DIXDC1: variants seen among roughly 807,000 people sequenced by gnomAD.
DIXDC1 encodes the protein dixin.
DIXDC1 carries 64 observed loss-of-function variants against 103.1 expected under a neutral mutation model. The ratio of observed to expected loss-of-function variants is 0.62; its 90% CI spans 0.51 to 0.76. The LOEUF is 0.76. Among genes scored for constraint, DIXDC1 ranks in the 30% least tolerant of loss-of-function variants. DIXDC1 has a pLI of 0.00. For missense variants in DIXDC1, 759 were observed against 834.2 expected (o/e 0.91, Z 1.11); for synonymous variants, 266 against 298.5 (o/e 0.89, Z 1.12).
intron 1 of DIXDC1, among the ~76,000 whole-genome samples, chr11:111,963,104 T>C (rs1210943996): frequency 2.6e-5 from 4 of 152,254 alleles, no homozygotes; most frequent in Admixed American, 1.3e-4. Context: ...ATAACCTCTC[T>C]GAACCTCATC....
At chr11:111,994,235 A>C (rs1860802949) in intron 14 of DIXDC1, among the ~76,000 whole-genome samples, 1 of 152,084 alleles carries the variant, frequency 6.6e-6, no homozygotes, top group African/African-American at 2.4e-5. Context: ...AAAAATTACA[A>C]AAATTAGCCA....
chr11:112,016,308 G>A (rs1298248788), intron 17 of DIXDC1, among the ~76,000 whole-genome samples: 2 of 152,108 alleles, frequency 1.3e-5, no homozygotes, highest in Non-Finnish European at 2.9e-5. Context: ...TGAGTCACAT[G>A]AGTATTCTCT....
intron 17 of DIXDC1, among the ~76,000 whole-genome samples, chr11:112,001,887 G>T (rs999334358): frequency 1.3e-5 from 2 of 151,600 alleles, no homozygotes; most frequent in African/African-American, 4.9e-5. Flanking sequence ...CTCCCAAGTA[G>T]CTGGGATTAT....
rs587761827 is a variant in DIXDC1, at chr11:111,962,270, T to G, written c.61-2279T>G. 5.9e-5 allele frequency among the ~76,000 whole-genome samples: 9 copies of G among 152,140 alleles called. No homozygotes were observed. In the East Asian group the frequency reaches 1.5e-3, roughly 26 times the overall value. On this transcript the variant is annotated intron_variant, in intron 1 of 19. Coordinates refer to ENST00000440460, the MANE Select transcript of DIXDC1 (RefSeq NM_001037954.4). The stretch of plus-strand genomic sequence containing the variant: ...GCCTAGGTGGGTGGATCACCTGAGG[T>G]CAGGAGTTCAAGACCAGCCTGACCA...
intron 1 of DIXDC1, among the ~76,000 whole-genome samples, chr11:111,961,090 A>T (rs1859562106): frequency 6.6e-6 from 1 of 152,242 alleles, no homozygotes; most frequent in Admixed American, 6.5e-5. Context: ...GTTAAGATAT[A>T]GGCTCTGATT....
At chr11:111,934,476 A>C (rs1966133198), upstream of DIXDC1, among the ~76,000 whole-genome samples, 1 of 152,216 alleles carries the variant, frequency 6.6e-6, no homozygotes, top group African/African-American at 2.4e-5. Context: ...ACAGCCCTGC[A>C]GCAGCAGAAG....
intron 2 of DIXDC1, among the ~76,000 whole-genome samples, chr11:111,966,026 C>T (rs1859714732): frequency 6.6e-6 from 1 of 152,130 alleles, no homozygotes; most frequent in Non-Finnish European, 1.5e-5. Context: ...CCTTTTTCCA[C>T]TTATGTTCCC....
chr11:112,013,670 G>C (rs911521183), intron 17 of DIXDC1, among the ~76,000 whole-genome samples: 1 of 152,076 alleles, frequency 6.6e-6, no homozygotes, highest in Non-Finnish European at 1.5e-5. Flanking sequence ...CTAAGACTTT[G>C]ACTTTCTAAA....
At position 112,019,076 on chromosome 11, in the gene DIXDC1, T is replaced by G. The variant is rs1861681569; in HGVS notation, c.*40T>G. The G allele has an allele frequency of 6.4e-7, 1 of 1,554,544 alleles. No individual in the cohort carries two copies. The highest frequency in any genetic ancestry group is 1.4e-5 in the African/African-American group (1 of 73,390). On this transcript the variant is annotated 3_prime_UTR_variant, in exon 20 of 20. Coordinates refer to ENST00000440460, the MANE Select transcript of DIXDC1 (RefSeq NM_001037954.4). ...TTGAGGGCTTATGGAACCTGGTCAC[T>G]CCCTGGCTGCTTCACTCAGGAAAGG... is the stretch of plus-strand genomic sequence containing the variant.
intron 7 of DIXDC1, among the ~76,000 whole-genome samples, chr11:111,984,699 A>C (rs587692655): frequency 1.2e-4 from 19 of 152,346 alleles, no homozygotes; most frequent in East Asian, 5.8e-4. Context: ...AGGAGCTGAA[A>C]TGAATGAGGA....
At chr11:111,980,237 GA>G (rs1566522371) in intron 5 of DIXDC1, among the ~76,000 whole-genome samples, 1 of 152,098 alleles carries the variant, frequency 6.6e-6, no homozygotes, top group Non-Finnish European at 1.5e-5. Context: ...TCTCCTTTGT[GA>G]TCAGCTCAGA....
At chr11:111,937,283 C>A, upstream of DIXDC1, 1 of 1,311,894 alleles carries the variant, frequency 7.6e-7, no homozygotes, top group Non-Finnish European at 9.7e-7. Flanking sequence ...ATAGGAACCG[C>A]GACCGCGCCG....
intron 1 of DIXDC1, among the ~76,000 whole-genome samples, chr11:111,962,740 C>T (rs116927592): frequency 0.01 from 1,586 of 152,248 alleles, 9 homozygotes; most frequent in Non-Finnish European, 0.016. Context: ...ATAATAGATA[C>T]AGGGAAATTG....
intron 3 of DIXDC1, among the ~76,000 whole-genome samples, chr11:111,969,294 A>G (rs1304123221): frequency 6.6e-6 from 1 of 152,016 alleles, no homozygotes; most frequent in Non-Finnish European, 1.5e-5. Context: ...AAATTACAAT[A>G]TTGGGATATT....
chr11:112,019,237 A>G lies in DIXDC1; in HGVS notation c.*201A>G. 2.2e-6 allele frequency: 1 copy of G among 450,844 alleles called. No homozygotes were observed. The highest frequency in any genetic ancestry group is 3.5e-5 in the Admixed American group (1 of 28,872). 27.9% of individuals were successfully genotyped at this position (450,844 alleles called of 1,614,324 possible). A position where few individuals can be genotyped will look rare whatever the true frequency, so the allele number is the denominator to read the frequency against. ...TACTTAAAATTCTGTCCAAATGTAG[A>G]CCATGGGTTCATCTGGAGTTCCTTG... is the stretch of plus-strand genomic sequence containing the variant. On this transcript the variant is annotated 3_prime_UTR_variant, in exon 20 of 20. Coordinates refer to ENST00000440460, the MANE Select transcript of DIXDC1 (RefSeq NM_001037954.4).
chr11:111,937,422 T>C lies in DIXDC1; in HGVS notation c.-78T>C, dbSNP rs1490164043. 3.9e-6 allele frequency: 6 copies of C among 1,535,810 alleles called. No individual in the cohort carries two copies. Among genetic ancestry groups the C allele is most frequent in the African/African-American group, 2.8e-5 (2 of 72,292 alleles). On this transcript the variant is annotated 5_prime_UTR_variant, in exon 1 of 20. Coordinates refer to ENST00000440460, the MANE Select transcript of DIXDC1 (RefSeq NM_001037954.4). ...CCCAATGAGCTGAGCCGAGAGCCTT[T>C]GTGTGCAGAGGGAGGAGGAGGAGGC...
intron 1 of DIXDC1, among the ~76,000 whole-genome samples, chr11:111,949,201 C>A (rs1344841393): frequency 5.3e-5 from 8 of 152,168 alleles, no homozygotes; most frequent in African/African-American, 1.7e-4. Flanking sequence ...TATCTAGATA[C>A]TCTCAAACAT....
intron 17 of DIXDC1, among the ~76,000 whole-genome samples, chr11:112,003,690 C>T (rs35345409): frequency 0.3 from 45,941 of 151,158 alleles, 8,139 homozygotes; most frequent in East Asian, 0.59. Context: ...TCCAGCTACT[C>T]GGGAGGCTGA....
chr11:111,940,821 T>C (rs1371391646), intron 1 of DIXDC1, among the ~76,000 whole-genome samples: 2 of 152,224 alleles, frequency 1.3e-5, no homozygotes, highest in East Asian at 3.8e-4. Context: ...CCTGCTCGTC[T>C]GGTACATGCA....
Sources: gnomAD v4.1 joint callset for allele counts (sites outside exome capture counted in the v4.1 genomes callset) on GRCh38, gnomAD v4.1.1 for gene constraint, MANE v1.5 for transcripts, NCBI Gene and HGNC (gene_info 2026-07-23, HGNC 2026-07-21) for gene names.